The following GCSH variants were observed in gnomAD, a reference collection of about 807,000 sequenced individuals.
GCSH encodes glycine cleavage system H protein, mitochondrial.
Under a neutral mutation model 21.3 loss-of-function variants are expected in GCSH, and 15 were observed. The observed-to-expected ratio is 0.70, with a 90% confidence interval of 0.47 to 1.08. The LOEUF is 1.08. Ranked by LOEUF, GCSH falls within the 50% of genes least tolerant of loss-of-function variation. The pLI is 0.00. For missense variants in GCSH, 179 were observed against 217.5 expected (o/e 0.82, Z 1.11); for synonymous variants, 59 against 84.5 (o/e 0.70, Z 1.66).
chr16:81,094,769 G>A (rs765457149), intron 1 of GCSH, among the ~76,000 whole-genome samples: 20 of 132,500 alleles, frequency 1.5e-4, no homozygotes, highest in African/African-American at 5.5e-4. Context: ...AATCGAAGCA[G>A]AGGAGCAGTC....
At chr16:81,085,626 T>G (rs8177938) in intron 3 of GCSH, among the ~76,000 whole-genome samples, 3,761 of 152,290 alleles carry the variant, frequency 0.025, 80 homozygotes, top group African/African-American at 0.057. Context: ...TCCAGCACTT[T>G]GGAAGACCAA....
intron 1 of GCSH, among the ~76,000 whole-genome samples, chr16:81,092,326 C>T (rs1026860838): frequency 4.7e-5 from 7 of 148,380 alleles, no homozygotes; most frequent in African/African-American, 1.7e-4. Context: ...GCTGTGTACC[C>T]ACCAAGAAAC....
chr16:81,096,088 C>A (rs912506114), intron 1 of GCSH, 43 bp downstream of exon 1: 2 of 1,232,742 alleles, frequency 1.6e-6, no homozygotes, highest in Non-Finnish European at 2.0e-6. Context: ...ACAAGCAGCC[C>A]AGGCGGGGAG....
At chr16:81,087,570 T>C (rs904832904) in intron 3 of GCSH, 31 bp downstream of exon 3, 2 of 1,432,172 alleles carry the variant, frequency 1.4e-6, no homozygotes, top group African/African-American at 1.4e-5. Flanking sequence ...ATTCATGGCA[T>C]GGATCATTCT....
intron 1 of GCSH, among the ~76,000 whole-genome samples, chr16:81,095,088 G>A (rs1323814731): frequency 1.6e-5 from 2 of 124,650 alleles, no homozygotes; most frequent in East Asian, 4.8e-4. Context: ...GCGAGGCTCC[G>A]TCTCAATAAA....
chr16:81,090,942 C>A (rs557015272), intron 1 of GCSH: 13 of 548,080 alleles, frequency 2.4e-5, no homozygotes, highest in African/African-American at 2.3e-4. Flanking sequence ...TTTAACATTA[C>A]TTAGCCTAAA....
At chr16:81,089,696 C>T (rs535277610) in intron 2 of GCSH, among the ~76,000 whole-genome samples, 16 of 152,320 alleles carry the variant, frequency 1.1e-4, no homozygotes, top group African/African-American at 3.8e-4. Flanking sequence ...TCACCCAATA[C>T]ATACATCCAG....
chr16:81,089,828 C>G (rs1972362519), intron 2 of GCSH, among the ~76,000 whole-genome samples: 1 of 152,166 alleles, frequency 6.6e-6, no homozygotes, highest in Admixed American at 6.6e-5. Context: ...CCCTTTGTGT[C>G]ATCTGTGCCT....
At chr16:81,083,253 C>G in intron 4 of GCSH, 2 of 383,360 alleles carry the variant, frequency 5.2e-6, no homozygotes, top group South Asian at 2.3e-5. Flanking sequence ...CACGGTGGCT[C>G]ATGCCTGTAA....
chr16:81,086,769 G>A (rs1251502886), intron 3 of GCSH, among the ~76,000 whole-genome samples: 1 of 132,502 alleles, frequency 7.5e-6, no homozygotes, highest in Non-Finnish European at 1.7e-5. Flanking sequence ...GATTCAAGAA[G>A]CTTGGTAAAT....
At chr16:81,089,149 C>G (rs8177893) in intron 2 of GCSH, among the ~76,000 whole-genome samples, 5,309 of 152,310 alleles carry the variant, frequency 0.035, 249 homozygotes, top group African/African-American at 0.11. Flanking sequence ...TGGTCAACAA[C>G]AGACCACATA....
chr16:81,085,449 A>C (rs76909932), intron 3 of GCSH, among the ~76,000 whole-genome samples: 16,913 of 152,250 alleles, frequency 0.11, 997 homozygotes, highest in East Asian at 0.21. Context: ...GATGTGCCTG[A>C]ATGCCAGATG....
chr16:81,090,479 C>T, intron 2 of GCSH, 122 bp downstream of exon 2: 1 of 743,266 alleles, frequency 1.3e-6, no homozygotes, highest in East Asian at 2.6e-5. Context: ...GCCTCAGCCT[C>T]CCAAAGTGTT....
At chr16:81,087,310 G>A (rs146479708) in intron 3 of GCSH, among the ~76,000 whole-genome samples, 71 of 152,190 alleles carry the variant, frequency 4.7e-4, no homozygotes, top group African/African-American at 1.4e-3. Flanking sequence ...CGGATCACTC[G>A]AGGTCAGGAG....
At chr16:81,088,105 G>A (rs111701821) in intron 2 of GCSH, among the ~76,000 whole-genome samples, 11 of 152,114 alleles carry the variant, frequency 7.2e-5, no homozygotes, top group Non-Finnish European at 1.0e-4. Context: ...CAGCCTTGGC[G>A]ACAGAGCAAG....
At chr16:81,088,605 T>A (rs540952650) in intron 2 of GCSH, among the ~76,000 whole-genome samples, 1 of 152,324 alleles carries the variant, frequency 6.6e-6, no homozygotes, top group East Asian at 1.9e-4. Flanking sequence ...TTTCACCATG[T>A]TGGCCAGCTG....
At position 81,082,880 on chromosome 16, in the gene GCSH, A is replaced by C. The variant is rs1972198135; in HGVS notation, c.508T>G (p.Ser170Ala). Reference protein sequence around the residue: ...SEEAYEKYIKSIEE With the variant: ...SEEAYEKYIKAIEE The stretch of plus-strand genomic sequence containing the variant: ...GAGTTCCATTTTCACTCCTCAATAG[A>C]TTTTATGTATTTCTCATATGCTTCT... Residue 170 changes from serine (S) to alanine (A), a missense_variant, in exon 5 of 5, where the codon TCT becomes GCT. Transcript: ENST00000315467. 2 of 1,296,530 alleles carry C rather than the reference A, an allele frequency of 1.5e-6. No individual in the cohort carries two copies. Among genetic ancestry groups the C allele is most frequent in the Non-Finnish European group, 2.2e-6 (2 of 890,998 alleles). The allele number at this position is 1,296,530 out of a possible 1,614,324, so 80.3% of individuals were successfully genotyped here.
chr16:81,093,753 A>C lies in GCSH; in HGVS notation c.148+2378T>G, dbSNP rs1340705869. On this transcript the variant is annotated intron_variant, in intron 1 of 4. Transcript: ENST00000315467. Reference sequence around the variant, plus strand: ...CTACCCTGGAGGCTGAGGCAGGAGAATCACTTGAACCTGGGAGGCAGAGGT... The same window carrying C: ...CTACCCTGGAGGCTGAGGCAGGAGACTCACTTGAACCTGGGAGGCAGAGGT... Among the ~76,000 whole-genome samples the C allele has an allele frequency of 3.3e-5, 5 of 152,210 alleles. No homozygotes were observed. The East Asian group carries it at 9.7e-4, about 29-fold the overall frequency.
chr16:81,084,688 T>A, intron 3 of GCSH, 94 bp from the exon 4 acceptor site: 1 of 818,750 alleles, frequency 1.2e-6, no homozygotes, highest in Non-Finnish European at 2.0e-6. Context: ...GTCATACAGC[T>A]ATGATTTTAA....
Sources: allele counts gnomAD v4.1 joint callset (sites outside exome capture counted in the v4.1 genomes callset), GRCh38; gene constraint gnomAD v4.1.1; transcripts MANE v1.5; gene names NCBI Gene and HGNC (gene_info 2026-07-23, HGNC 2026-07-21).